SOX6: variants seen among roughly 807,000 people sequenced by gnomAD.
SOX6 encodes SRY-box transcription factor 6.
SOX6 carries 11 observed loss-of-function variants against 97.8 expected under a neutral mutation model. The observed-to-expected ratio is 0.11, with a 90% CI of 0.07 to 0.19. The LOEUF is 0.19. Among genes scored for constraint, SOX6 ranks in the 10% least tolerant of loss-of-function variants. The probability of loss-of-function intolerance (pLI) is 1.00; values close to 1 mark genes in which losing one functional copy is unlikely to be tolerated. For missense variants in SOX6, 810 were observed against 1,039.5 expected (o/e 0.78, Z 3.04); for synonymous variants, 360 against 371.4 (o/e 0.97, Z 0.35).
chr11:16,286,950 G>A lies in SOX6; in HGVS notation c.445+31496C>T, dbSNP rs186641232. 1.9e-3 allele frequency among the ~76,000 whole-genome samples: 289 copies of A among 151,666 alleles called. 3 individuals are homozygous for A. In the Middle Eastern group the frequency reaches 0.027, roughly 14 times the overall value. On this transcript the variant is annotated intron_variant, in intron 3 of 15. Coordinates refer to ENST00000683767, the MANE Select transcript of SOX6 (RefSeq NM_001367873.1). ...ATACTATTTTCTCTACTTTTGTGTA[G>A]GTTTGAAAATTTTTCCACCATAAGG...
chr11:16,544,325 T>C (rs1296217104), intron 4 of SOX6, among the ~76,000 whole-genome samples: 1 of 152,170 alleles, frequency 6.6e-6, no homozygotes, highest in Non-Finnish European at 1.5e-5. Context: ...AGTGGCATTA[T>C]CACAGCTCAG....
chr11:16,139,068 A>G (rs1354182654), intron 6 of SOX6, among the ~76,000 whole-genome samples: 1 of 152,224 alleles, frequency 6.6e-6, no homozygotes, highest in Non-Finnish European at 1.5e-5. Context: ...TTTGTCAGAC[A>G]TATCACCAGA....
At chr11:16,559,801 A>G (rs1847788081) in intron 4 of SOX6, among the ~76,000 whole-genome samples, 2 of 152,082 alleles carry the variant, frequency 1.3e-5, no homozygotes, top group Non-Finnish European at 2.9e-5. Context: ...CGTAATTTGC[A>G]CAATATTTAT....
intron 4 of SOX6, among the ~76,000 whole-genome samples, chr11:16,602,128 T>C (rs577517808): frequency 3.3e-5 from 5 of 152,312 alleles, no homozygotes; most frequent in East Asian, 1.9e-4. Flanking sequence ...TTTTAAAAAA[T>C]ACATATTCAC....
chr11:15,972,715 G>A lies in SOX6; in HGVS notation c.*94C>T. On this transcript the variant is annotated 3_prime_UTR_variant, in exon 16 of 16. Transcript: ENST00000683767. ...TTAAGACCATTCTGCTGATGTAATT[G>A]TGGAGCCACAAATGCATGCGGGCTC... The A allele has an allele frequency of 3.8e-6, 5 of 1,312,994 alleles. No homozygotes were observed. The highest frequency in any genetic ancestry group is 1.7e-5 in the Admixed American group (1 of 59,202). The allele number at this position is 1,312,994 out of a possible 1,614,324, so 81.3% of individuals were successfully genotyped here.
chr11:16,312,627 G>T (rs1459870843), intron 3 of SOX6: 1 of 152,150 alleles, frequency 6.6e-6, no homozygotes, highest in Non-Finnish European at 1.5e-5. Context: ...TATTCTCCTA[G>T]GCAGTGCCTG....
At chr11:16,123,174 C>A (rs1849533756) in intron 6 of SOX6, among the ~76,000 whole-genome samples, 1 of 151,774 alleles carries the variant, frequency 6.6e-6, no homozygotes, top group Non-Finnish European at 1.5e-5. Flanking sequence ...TAATTCTCAC[C>A]CAAAGAGCCA....
upstream of SOX6, among the ~76,000 whole-genome samples, chr11:16,357,377 G>C (rs1207495532): frequency 6.6e-6 from 1 of 152,108 alleles, no homozygotes; most frequent in Non-Finnish European, 1.5e-5. Context: ...CTGTGCGGGA[G>C]AATTAAGGAA....
intron 6 of SOX6, among the ~76,000 whole-genome samples, chr11:16,145,096 C>T (rs1239075650): frequency 6.6e-6 from 1 of 152,148 alleles, no homozygotes; most frequent in Admixed American, 6.6e-5. Flanking sequence ...ATGCAAAAAT[C>T]CTCAATAAAA....
chr11:16,543,473 A>G (rs1319032640), intron 4 of SOX6, among the ~76,000 whole-genome samples: 1 of 152,088 alleles, frequency 6.6e-6, no homozygotes, highest in Admixed American at 6.6e-5. Flanking sequence ...GACATGAAAA[A>G]TTTTGTGTAT....
chr11:16,705,969 G>GAAGT (rs10651372), intron 3 of SOX6, among the ~76,000 whole-genome samples: 125,838 of 151,612 alleles, frequency 0.83, 52,310 homozygotes, highest in Middle Eastern at 0.9. Flanking sequence ...CAAAATGGCA[G>GAAGT]AAGTCCTTCC....
At chr11:16,137,798 C>T (rs2134033444) in intron 6 of SOX6, among the ~76,000 whole-genome samples, 1 of 152,260 alleles carries the variant, frequency 6.6e-6, no homozygotes, top group Middle Eastern at 3.4e-3. Context: ...GGGCAGTTCC[C>T]CCCATCCTGT....
intron 1 of SOX6, among the ~76,000 whole-genome samples, chr11:16,387,794 A>G (rs1325939255): frequency 6.6e-6 from 1 of 152,088 alleles, no homozygotes; most frequent in Non-Finnish European, 1.5e-5. Context: ...AAATGAAATC[A>G]TTTTTCCCAT....
At chr11:16,218,849 T>C (rs1852451171) in intron 4 of SOX6, among the ~76,000 whole-genome samples, 2 of 152,224 alleles carry the variant, frequency 1.3e-5, no homozygotes, top group South Asian at 4.1e-4. Context: ...TTTTCTACCT[T>C]ACTCTATTCC....
At chr11:16,727,800 T>G (rs1464773667) in intron 2 of SOX6, among the ~76,000 whole-genome samples, 1 of 152,078 alleles carries the variant, frequency 6.6e-6, no homozygotes, top group African/African-American at 2.4e-5. Context: ...TTATTCAAAT[T>G]CTCTTTTTTA....
chr11:16,437,101 T>TA (rs57209441), intron 1 of SOX6, among the ~76,000 whole-genome samples: 243 of 144,244 alleles, frequency 1.7e-3, no homozygotes, highest in South Asian at 3.5e-3. Context: ...TACAAGAAAT[T>TA]AAAAAAAAAA....
rs191277059 is a variant in SOX6 at position 16,418,849 on chromosome 11, C to T, written c.-5+57466G>A. On this transcript the variant is annotated intron_variant, in intron 1 of 15. Transcript: ENST00000396356. ...GAGATGCATTGTCAGTCTCACTAAG[C>T]GAAATATTTGTGTTGCCATGCAGCT... is the stretch of plus-strand genomic sequence containing the variant. Among the ~76,000 whole-genome samples the T allele has an allele frequency of 4.6e-5, 7 of 152,206 alleles. No homozygotes were observed. The East Asian group carries it at 5.8e-4, about 13-fold the overall frequency.
chr11:16,679,507 G>C (rs1421434976), intron 3 of SOX6, among the ~76,000 whole-genome samples: 1 of 152,204 alleles, frequency 6.6e-6, no homozygotes, highest in African/African-American at 2.4e-5. Flanking sequence ...CAAAGGTGGG[G>C]AGAAACCAGA....
chr11:16,707,330 G>A (rs1590059332), intron 3 of SOX6, among the ~76,000 whole-genome samples: 1 of 150,290 alleles, frequency 6.7e-6, no homozygotes, highest in South Asian at 2.1e-4. Context: ...ACTTAATGAG[G>A]AATGTTAAAA....
Sources: gnomAD v4.1 joint callset for allele counts (sites outside exome capture counted in the v4.1 genomes callset) on GRCh38, gnomAD v4.1.1 for gene constraint, MANE v1.5 for transcripts, NCBI Gene and HGNC (gene_info 2026-07-23, HGNC 2026-07-21) for gene names.